ELAPOR1: variants seen among roughly 807,000 people sequenced by gnomAD.
ELAPOR1 encodes endosome-lysosome associated apoptosis and autophagy regulator 1.
ELAPOR1 carries 77 observed loss-of-function variants against 119.7 expected under a neutral mutation model. The ratio of observed to expected loss-of-function variants is 0.64; its 90% CI spans 0.54 to 0.78. The LOEUF is 0.78. Among genes scored for constraint, ELAPOR1 ranks in the 30% least tolerant of loss-of-function variants. ELAPOR1 has a pLI of 0.00. For missense variants in ELAPOR1, 1,115 were observed against 1,270.4 expected, an observed-to-expected ratio of 0.88 and a Z score of 1.86; for synonymous variants, 481 against 487.2, an observed-to-expected ratio of 0.99 and a Z score of 0.17.
At position 109,147,542 on chromosome 1, in the gene ELAPOR1, A is replaced by G. The variant is rs150805454; in HGVS notation, c.154-14352A>G. 3.6e-3 allele frequency among the ~76,000 whole-genome samples: 555 copies of G among 152,292 alleles called. 4 individuals carry two copies. The highest frequency in any genetic ancestry group is 0.013 in the African/African-American group (529 of 41,568). ...TATACTATAATGGTTAACACGTGTC[A>G]TTAAACATTTGTCCAAACTTATAGA... On this transcript the variant is annotated intron_variant, in intron 1 of 21. Coordinates refer to ENST00000369939, the MANE Select transcript of ELAPOR1 (RefSeq NM_020775.5).
At chr1:109,143,906 C>T (rs1412001742) in intron 1 of ELAPOR1, among the ~76,000 whole-genome samples, 1 of 151,436 alleles carries the variant, frequency 6.6e-6, no homozygotes, top group South Asian at 2.1e-4. Flanking sequence ...AGCAATCCAC[C>T]CGCCTCAGCT....
At chr1:109,201,302 G>T (rs187176808) in intron 21 of ELAPOR1, 3 of 457,704 alleles carry the variant, frequency 6.6e-6, no homozygotes, top group Non-Finnish European at 1.3e-5. Flanking sequence ...TGACCAGTGG[G>T]GGGTGCTGTC....
chr1:109,197,366 T>C (rs1007827936), intron 15 of ELAPOR1, 108 bp from the exon 16 acceptor site: 7 of 905,858 alleles, frequency 7.7e-6, no homozygotes, highest in Admixed American at 2.1e-5. Flanking sequence ...CAACATACCA[T>C]TGAAACGCTG....
intron 3 of ELAPOR1, among the ~76,000 whole-genome samples, chr1:109,167,996 C>T (rs1437709591): frequency 1.3e-5 from 2 of 152,134 alleles, no homozygotes; most frequent in Admixed American, 6.6e-5. Context: ...AAGTCCACTA[C>T]CTTCCCACAG....
At chr1:109,166,946 T>C (rs759942036) in intron 3 of ELAPOR1, among the ~76,000 whole-genome samples, 1 of 152,230 alleles carries the variant, frequency 6.6e-6, no homozygotes, top group Non-Finnish European at 1.5e-5. Context: ...TATACTTAAA[T>C]CTTGTCTAAG....
intron 1 of ELAPOR1, among the ~76,000 whole-genome samples, chr1:109,131,726 A>T (rs1249780248): frequency 2.0e-5 from 3 of 152,170 alleles, no homozygotes; most frequent in African/African-American, 7.2e-5. Context: ...TAAGAGGGAA[A>T]CTGAAGAAAT....
chr1:109,200,836 A>T lies in ELAPOR1; in HGVS notation c.2909A>T (p.Glu970Val). The T allele has an allele frequency of 6.2e-7, 1 of 1,614,252 alleles. No individual in the cohort carries two copies. Among genetic ancestry groups the T allele is most frequent in the African/African-American group, 1.3e-5 (1 of 75,064 alleles). ...GCCATCATGGAAGGCGAGGATGTAG[A>T]GGACGACCTCATCTTTACCAGCAAG... The part of the protein sequence containing the change: ...SCAIMEGEDV[E>V]DDLIFTSKKS... The change falls in exon 21 of 22, where the codon GAG becomes GTG. Residue 970 changes from glutamate (E) to valine (V), a missense_variant. By Grantham distance (121) the Glu-to-Val change is moderately radical. Transcript: ENST00000369939.
intron 17 of ELAPOR1, 36 bp from the exon 18 acceptor site, chr1:109,198,537 G>C: frequency 6.4e-7 from 1 of 1,567,768 alleles, no homozygotes; most frequent in Middle Eastern, 1.7e-4. Context: ...ACAGCTGAGT[G>C]ACTCATTCCC....
At chr1:109,165,550 C>T (rs1651537976) in intron 3 of ELAPOR1, among the ~76,000 whole-genome samples, 1 of 149,444 alleles carries the variant, frequency 6.7e-6, no homozygotes, top group African/African-American at 2.5e-5. Flanking sequence ...CACCATTGCA[C>T]TCCAGCCTGG....
At chr1:109,167,024 T>G (rs1294390232) in intron 3 of ELAPOR1, among the ~76,000 whole-genome samples, 1 of 152,214 alleles carries the variant, frequency 6.6e-6, no homozygotes, top group Admixed American at 6.5e-5. Context: ...CAACTTGGTG[T>G]GTCAGATTCA....
At chr1:109,187,313 T>C (rs1444649286) in intron 8 of ELAPOR1, 3 of 985,448 alleles carry the variant, frequency 3.0e-6, no homozygotes, top group African/African-American at 1.7e-5. Context: ...GCTCTGGCTG[T>C]CGCAGCCCTC....
chr1:109,177,381 G>A (rs1306798318), intron 7 of ELAPOR1, among the ~76,000 whole-genome samples: 3 of 125,606 alleles, frequency 2.4e-5, no homozygotes, highest in South Asian at 2.6e-4. Context: ...CTTCTCAGAC[G>A]GGGCGGCCGG....
chr1:109,183,356 AAGAG>A (rs72229217), intron 7 of ELAPOR1, among the ~76,000 whole-genome samples: 13 of 8,964 alleles, frequency 1.5e-3, no homozygotes, highest in South Asian at 5.7e-3. Flanking sequence ...AAACAAAAAA[AAGAG>A]AGAGAGAGAG....
chr1:109,128,721 A>C (rs1648953821), intron 1 of ELAPOR1, among the ~76,000 whole-genome samples: 2 of 152,224 alleles, frequency 1.3e-5, no homozygotes, highest in Admixed American at 6.5e-5. Flanking sequence ...CAGTTGTTGA[A>C]TATTTTGAGC....
At position 109,188,218 on chromosome 1, in the gene ELAPOR1, C is replaced by T. The variant is rs780087334; in HGVS notation, c.1083C>T (p.Ser361=). The T allele has an allele frequency of 6.8e-6, 11 of 1,613,202 alleles. No individual in the cohort carries two copies. The highest frequency in any genetic ancestry group is 7.6e-6 in the Non-Finnish European group (9 of 1,179,332). The change falls in exon 9 of 22, where the codon AGC becomes AGT. Residue 361 remains serine (S), a synonymous_variant. Transcript: ENST00000369939. ...MYKWAKPKIC[S]EDLEGAVKLP... Reference sequence around the variant, plus strand: ...AATGGGCCAAGCCGAAAATCTGTAGCGAGGACCTTGAGGGGGCAGTGAAGC... The same window carrying T: ...AATGGGCCAAGCCGAAAATCTGTAGTGAGGACCTTGAGGGGGCAGTGAAGC...
At chr1:109,155,410 C>T (rs1650817943) in intron 1 of ELAPOR1, among the ~76,000 whole-genome samples, 2 of 152,094 alleles carry the variant, frequency 1.3e-5, no homozygotes, top group African/African-American at 4.8e-5. Flanking sequence ...GATCTCCTGA[C>T]CTCGTGATCC....
intron 7 of ELAPOR1, among the ~76,000 whole-genome samples, chr1:109,176,821 T>C (rs529799057): frequency 9.3e-5 from 13 of 139,262 alleles, no homozygotes; most frequent in Admixed American, 3.6e-4. Context: ...AGGAGCATGC[T>C]GCCTTCAAGC....
At chr1:109,190,320 T>C (rs1557696032) in intron 11 of ELAPOR1, among the ~76,000 whole-genome samples, 1 of 152,202 alleles carries the variant, frequency 6.6e-6, no homozygotes, top group Non-Finnish European at 1.5e-5. Context: ...CTAACTGAGG[T>C]TCAGATGGCT....
At chr1:109,164,422 T>G (rs1651448044) in intron 2 of ELAPOR1, 77 bp from the exon 3 acceptor site, 1 of 1,334,112 alleles carries the variant, frequency 7.5e-7, no homozygotes, top group Admixed American at 1.9e-5. Context: ...GCTCCTCCCT[T>G]CAGCTGCTCG....
Sources: allele counts gnomAD v4.1 joint callset (sites outside exome capture counted in the v4.1 genomes callset), GRCh38; gene constraint gnomAD v4.1.1; transcripts MANE v1.5; gene names NCBI Gene and HGNC (gene_info 2026-07-23, HGNC 2026-07-21).